The following ARMH1 variants were observed in gnomAD, a reference collection of about 807,000 sequenced individuals.
ARMH1 encodes armadillo-like helical domain containing protein 1.
A neutral mutation model predicts 50.2 loss-of-function variants in ARMH1; 34 were observed. That is an observed-to-expected ratio of 0.68 (90% confidence interval 0.51 to 0.90). The LOEUF is 0.90. ARMH1 is among the 40% of genes least tolerant of loss of function. ARMH1 has a pLI of 0.00. For synonymous variants in ARMH1, 221 were observed against 224.2 expected (o/e 0.99, Z 0.13); for missense variants, 538 against 553.9 (o/e 0.97, Z 0.29).
In ARMH1 at chr1:44,721,855, T is replaced by G. The variant is rs773941302; in HGVS notation, c.725-2267T>G. ...TAGTTGTTTTTCTCCACGGAAATCT[T>G]TAGTAAAAGGCGAAAGATTTATTCG... is the stretch of plus-strand genomic sequence containing the variant. On this transcript the variant is annotated intron_variant, in intron 6 of 11. Transcript: ENST00000535358. 2 of 152,218 alleles carry G rather than the reference T, an allele frequency of 1.3e-5. No homozygotes were observed. Among genetic ancestry groups the G allele is most frequent in the African/African-American group, 2.4e-5 (1 of 41,454 alleles). The allele number at this position is 152,218 out of a possible 1,614,324, so 9.4% of individuals were successfully genotyped here.
At chr1:44,680,408 C>T (rs947894969) in intron 1 of ARMH1, among the ~76,000 whole-genome samples, 1 of 152,220 alleles carries the variant, frequency 6.6e-6, no homozygotes, top group Admixed American at 6.5e-5. Context: ...AACTCCTGAC[C>T]TCATGATCCA....
chr1:44,679,888 G>T (rs1448444135), intron 1 of ARMH1, among the ~76,000 whole-genome samples: 1 of 152,260 alleles, frequency 6.6e-6, no homozygotes, highest in African/African-American at 2.4e-5. Context: ...GGGACACAGA[G>T]ACAGGGAAGA....
At chr1:44,707,220 G>C (rs944520119) in intron 6 of ARMH1, among the ~76,000 whole-genome samples, 2 of 152,064 alleles carry the variant, frequency 1.3e-5, no homozygotes, top group Non-Finnish European at 2.9e-5. Flanking sequence ...ACAGTCCCCA[G>C]CATGTTAGGT....
chr1:44,710,400 G>A (rs932713228), intron 6 of ARMH1, among the ~76,000 whole-genome samples: 1 of 152,060 alleles, frequency 6.6e-6, no homozygotes, highest in Non-Finnish European at 1.5e-5. Context: ...ACGAGGTCAG[G>A]AGATCGAGAC....
At chr1:44,721,628 C>T (rs564787053) in intron 6 of ARMH1, among the ~76,000 whole-genome samples, 4 of 152,228 alleles carry the variant, frequency 2.6e-5, no homozygotes, top group African/African-American at 7.2e-5. Flanking sequence ...GCTTATGAGG[C>T]TGAGGTGGGA....
intron 3 of ARMH1, among the ~76,000 whole-genome samples, chr1:44,697,667 C>T (rs1177706298): frequency 6.6e-6 from 1 of 152,114 alleles, no homozygotes; most frequent in Non-Finnish European, 1.5e-5. Flanking sequence ...AAGAAAGTCC[C>T]AGGCTTTGAG....
chr1:44,725,240 C>T (rs954539155), intron 11 of ARMH1, 23 bp downstream of exon 11: 24 of 1,551,604 alleles, frequency 1.5e-5, no homozygotes, highest in African/African-American at 5.5e-5. Context: ...CGAGGGAAGC[C>T]GGGCGCAGGC....
chr1:44,707,968 AT>A (rs1299690449), intron 6 of ARMH1, among the ~76,000 whole-genome samples: 6 of 152,216 alleles, frequency 3.9e-5, no homozygotes, highest in African/African-American at 1.2e-4. Context: ...CACAAAAAAA[AT>A]GTCTGTTGAA....
intron 4 of ARMH1, among the ~76,000 whole-genome samples, chr1:44,698,874 G>A (rs544896141): frequency 6.6e-6 from 1 of 151,686 alleles, no homozygotes; most frequent in South Asian, 2.1e-4. Flanking sequence ...AAGGCCAGAC[G>A]CAGTGGTTCA....
intron 4 of ARMH1, among the ~76,000 whole-genome samples, chr1:44,699,214 G>A (rs1377126710): frequency 6.7e-6 from 1 of 150,268 alleles, no homozygotes; most frequent in Admixed American, 6.6e-5. Flanking sequence ...AACCCGGGAG[G>A]TGGACATTGC....
At chr1:44,688,214 A>G (rs966032164) in intron 1 of ARMH1, 2 of 152,272 alleles carry the variant, frequency 1.3e-5, no homozygotes, top group African/African-American at 4.8e-5. Context: ...GCAGTCATTC[A>G]CCTGGTTCTT....
chr1:44,725,308 A>G lies in ARMH1; in HGVS notation c.1228A>G (p.Ser410Gly), dbSNP rs2148812411. The change falls in exon 12 of 12, where the codon AGC (serine) becomes GGC (glycine). Residue 410 changes from serine (S) to glycine (G), a missense_variant. By Grantham distance (56) the Ser-to-Gly change is moderately conservative (BLOSUM62 0). Transcript: ENST00000535358. ...NVTKALCLHG[S>G]SYSMNTLYGS... ...GCCTGCAGCCCTGTGCCTCCATGGC[A>G]GCTCCTACAGCATGAACACTCTCTA... 1 of 1,551,836 alleles carries G rather than the reference A, an allele frequency of 6.4e-7. No individual in the cohort carries two copies. Among genetic ancestry groups the G allele is most frequent in the Non-Finnish European group, 8.7e-7 (1 of 1,147,016 alleles).
Position 44,717,838 on chromosome 1 carries a change from C to T in ARMH1, c.725-6284C>T, listed in dbSNP as rs182649786. On this transcript the variant is annotated intron_variant, in intron 6 of 11. Transcript: ENST00000535358. ...TGTCCTTTGCTTTCTGAAGGAATTG[C>T]CCTTCCTAGTAACTAGCACGATATA... is the stretch of plus-strand genomic sequence containing the variant. Among the ~76,000 whole-genome samples, 276 of 152,328 alleles carry T rather than the reference C, an allele frequency of 1.8e-3. 1 individual carries two copies. The highest frequency in any genetic ancestry group is 6.4e-3 in the African/African-American group (264 of 41,566).
chr1:44,694,266 GT>G (rs1282798517), intron 2 of ARMH1, among the ~76,000 whole-genome samples: 1 of 152,146 alleles, frequency 6.6e-6, no homozygotes, highest in African/African-American at 2.4e-5. Context: ...TGATAACAGT[GT>G]TTTGAATTAG....
chr1:44,703,716 G>A (rs1346258597), intron 5 of ARMH1, among the ~76,000 whole-genome samples: 2 of 142,658 alleles, frequency 1.4e-5, no homozygotes, highest in African/African-American at 5.2e-5. Context: ...TGACAGAGTG[G>A]GAATACATCT....
At chr1:44,711,525 G>T (rs1646613689) in intron 6 of ARMH1, among the ~76,000 whole-genome samples, 1 of 152,190 alleles carries the variant, frequency 6.6e-6, no homozygotes, top group Non-Finnish European at 1.5e-5. Context: ...AAAATTGGTT[G>T]TTGGGTTGTA....
At chr1:44,687,372 C>A (rs1402329233) in intron 1 of ARMH1, among the ~76,000 whole-genome samples, 1 of 152,144 alleles carries the variant, frequency 6.6e-6, no homozygotes, top group Non-Finnish European at 1.5e-5. Flanking sequence ...CAGCCACATC[C>A]CGAGTTACTG....
In ARMH1 at chr1:44,701,012, G is replaced by C. The variant is rs775159506; in HGVS notation, c.532G>C (p.Gly178Arg). ...VQVLLDSLVH[G>R]NPKYQNQVYK... Reference sequence around the variant, plus strand: ...GGTTCTGTTGGATTCTTTGGTCCACGGCAATCCCAAGTACCAAAATCAAGT... The same window carrying C: ...GGTTCTGTTGGATTCTTTGGTCCACCGCAATCCCAAGTACCAAAATCAAGT... The change falls in exon 5 of 12, where the codon GGC becomes CGC. Residue 178 changes from glycine (G) to arginine (R), a missense_variant. Coordinates refer to ENST00000535358, the MANE Select transcript of ARMH1 (RefSeq NM_001145636.2). 15 of 1,551,500 alleles carry C rather than the reference G, an allele frequency of 9.7e-6. No homozygotes were observed. The highest frequency in any genetic ancestry group is 1.2e-5 in the Non-Finnish European group (14 of 1,147,010).
intron 1 of ARMH1, among the ~76,000 whole-genome samples, chr1:44,677,016 G>A (rs1645161343): frequency 6.6e-6 from 1 of 152,204 alleles, no homozygotes. Context: ...CAGAAGGGAA[G>A]CATTACGTTG....
Sources: allele counts gnomAD v4.1 joint callset (sites outside exome capture counted in the v4.1 genomes callset), GRCh38; gene constraint gnomAD v4.1.1; transcripts MANE v1.5; gene names NCBI Gene and HGNC (gene_info 2026-07-23, HGNC 2026-07-21).